Variants in FAR2 observed in about 807,000 individuals in gnomAD.
The protein encoded by FAR2 is epididymis secretory protein Li 81.
Under a neutral mutation model 56.0 loss-of-function variants are expected in FAR2, and 19 were observed. The ratio of observed to expected loss-of-function variants is 0.34; its 90% CI spans 0.24 to 0.50. The LOEUF (loss-of-function observed/expected upper bound fraction) is 0.50, where lower values mean the gene tolerates loss of function less well. Among genes scored for constraint, FAR2 ranks in the 20% least tolerant of loss-of-function variants. The pLI is 0.98. For missense variants in FAR2, 508 were observed against 642.2 expected, an observed-to-expected ratio of 0.79 and a Z score of 2.26; for synonymous variants, 219 against 218.8, an observed-to-expected ratio of 1.00 and a Z score of -0.01.
Position 29,293,364 on chromosome 12 carries a change from A to T in FAR2, c.254A>T (p.Asp85Val). ...GAGAAGATCAGAGCTATTTATGCAG[A>T]TCTCAATCAGAATGACTTTGCCATC... ...VHEKIRAIYADLNQNDFAISK... is the reference protein window; with the variant it reads ...VHEKIRAIYAVLNQNDFAISK... Residue 85 changes from aspartate to valine, a missense_variant, in exon 3 of 12, where the codon GAT becomes GTT. Physicochemically the swap from Asp to Val is radical, Grantham distance 152. Coordinates refer to ENST00000536681, the MANE Select transcript of FAR2 (RefSeq NM_001271783.2). 6.2e-7 allele frequency: 1 copy of T among 1,612,624 alleles called. No individual in the cohort carries two copies. Among genetic ancestry groups the T allele is most frequent in the South Asian group, 1.1e-5 (1 of 90,702 alleles).
intron 4 of FAR2, among the ~76,000 whole-genome samples, chr12:29,299,104 T>C (rs1360552479): frequency 6.6e-6 from 1 of 150,970 alleles, no homozygotes; most frequent in Non-Finnish European, 1.5e-5. Flanking sequence ...TCTCAGCTAC[T>C]TGGGAGGCTG....
intron 9 of FAR2, among the ~76,000 whole-genome samples, chr12:29,320,403 G>A (rs977909079): frequency 1.3e-5 from 2 of 152,198 alleles, no homozygotes; most frequent in Admixed American, 1.3e-4. Flanking sequence ...TAATAGTAAA[G>A]TGGAACCCTA....
At position 29,257,397 on chromosome 12, in the gene FAR2, C is replaced by T. The variant is rs1439334460; in HGVS notation, c.-38-13015C>T. 3.3e-5 allele frequency among the ~76,000 whole-genome samples: 5 copies of T among 152,176 alleles called. No individual in the cohort carries two copies. In the East Asian group the frequency reaches 9.6e-4, roughly 29 times the overall value. Reference sequence around the variant, plus strand: ...CCAATCAGCGCCCTGTCAAAACAGACCACTGGGCTCCACCAATCAGCAGGA... The same window carrying T: ...CCAATCAGCGCCCTGTCAAAACAGATCACTGGGCTCCACCAATCAGCAGGA... On this transcript the variant is annotated intron_variant, in intron 1 of 11. Coordinates refer to ENST00000536681, the MANE Select transcript of FAR2 (RefSeq NM_001271783.2).
At chr12:29,212,080 TA>T (rs1947556519) in intron 1 of FAR2, among the ~76,000 whole-genome samples, 1 of 151,544 alleles carries the variant, frequency 6.6e-6, no homozygotes, top group Non-Finnish European at 1.5e-5. Flanking sequence ...TCAAAATAAA[TA>T]AATAAAAGAC....
intron 2 of FAR2, chr12:29,277,326 G>GT (rs1377437852): frequency 6.6e-6 from 1 of 152,134 alleles, no homozygotes; most frequent in Non-Finnish European, 1.5e-5. Flanking sequence ...AAGGAAATCC[G>GT]TAAGTGTCCA....
At chr12:29,174,561 C>T (rs554616179) in intron 1 of FAR2, among the ~76,000 whole-genome samples, 23 of 148,342 alleles carry the variant, frequency 1.6e-4, no homozygotes, top group Admixed American at 1.4e-4. Flanking sequence ...GCTGGCACTA[C>T]AGGGGCCCAC....
chr12:29,306,529 AAAATAG>A (rs1367904094), intron 4 of FAR2, among the ~76,000 whole-genome samples: 4 of 152,222 alleles, frequency 2.6e-5, no homozygotes, highest in Non-Finnish European at 2.9e-5. Flanking sequence ...TCTGTTCTAT[AAAATAG>A]AAATAAATAT....
intron 1 of FAR2, among the ~76,000 whole-genome samples, chr12:29,245,696 A>G (rs1224461416): frequency 6.6e-6 from 1 of 152,172 alleles, no homozygotes; most frequent in Non-Finnish European, 1.5e-5. Flanking sequence ...TCCAGTCCCT[A>G]TAAAAATCTA....
In FAR2 at chr12:29,224,763, T is replaced by C. The variant is rs369345447; in HGVS notation, c.-38-45649T>C. Among the ~76,000 whole-genome samples, 6 of 152,172 alleles carry C rather than the reference T, an allele frequency of 3.9e-5. No individual in the cohort carries two copies. The East Asian group carries it at 9.6e-4, about 24-fold the overall frequency. ...AAAGCAGTGACTTATTAGACGTATG[T>C]AATGTTTTAAAAAGATAATAGTGTA... is the stretch of plus-strand genomic sequence containing the variant. On this transcript the variant is annotated intron_variant, in intron 1 of 11. Coordinates refer to ENST00000536681, the MANE Select transcript of FAR2 (RefSeq NM_001271783.2).
chr12:29,321,010 G>T (rs1949541971), intron 9 of FAR2, among the ~76,000 whole-genome samples: 1 of 151,930 alleles, frequency 6.6e-6, no homozygotes, highest in South Asian at 2.1e-4. Flanking sequence ...TAACAAAGAT[G>T]ATATCAAAAT....
At chr12:29,204,395 A>C (rs972100226) in intron 1 of FAR2, among the ~76,000 whole-genome samples, 1 of 152,212 alleles carries the variant, frequency 6.6e-6, no homozygotes, top group Non-Finnish European at 1.5e-5. Flanking sequence ...GATAATTAAC[A>C]TGAATCTGAC....
intron 2 of FAR2, among the ~76,000 whole-genome samples, chr12:29,272,013 G>A (rs1407846781): frequency 6.6e-6 from 1 of 152,144 alleles, no homozygotes; most frequent in Non-Finnish European, 1.5e-5. Context: ...GTTCTTAAAA[G>A]GCTGATATGA....
At chr12:29,204,459 T>C (rs761063034) in intron 1 of FAR2, among the ~76,000 whole-genome samples, 1 of 152,182 alleles carries the variant, frequency 6.6e-6, no homozygotes, top group Non-Finnish European at 1.5e-5. Context: ...AGAGGGCCTC[T>C]ATGGGGATGA....
At chr12:29,240,785 G>T (rs995795755) in intron 1 of FAR2, among the ~76,000 whole-genome samples, 1 of 143,732 alleles carries the variant, frequency 7.0e-6, no homozygotes, top group Non-Finnish European at 1.5e-5. Flanking sequence ...GTCATTGTGT[G>T]TGTGTGTGTA....
intron 6 of FAR2, among the ~76,000 whole-genome samples, chr12:29,310,433 A>G: frequency 6.6e-6 from 1 of 152,202 alleles, no homozygotes; most frequent in East Asian, 1.9e-4. Flanking sequence ...TCTATATAAC[A>G]TCAGTGATCT....
chr12:29,255,985 T>G (rs998436784), intron 1 of FAR2, among the ~76,000 whole-genome samples: 11 of 152,244 alleles, frequency 7.2e-5, no homozygotes, highest in African/African-American at 2.2e-4. Context: ...TTCTACCCAC[T>G]CAGCCTCCTG....
At position 29,321,879 on chromosome 12, in the gene FAR2, C is replaced by T. The variant is rs1565524165; in HGVS notation, c.1212C>T (p.Tyr404=). 4 of 1,613,610 alleles carry T rather than the reference C, an allele frequency of 2.5e-6. No individual in the cohort carries two copies. Among genetic ancestry groups the T allele is most frequent in the Non-Finnish European group, 3.4e-6 (4 of 1,179,742 alleles). ...ACCGGAGTTGGGAATGGAGCACGTA[C>T]AATACAGAAATGCTGATGTCTGAGC... The part of the protein sequence containing the change: ...FINRSWEWST[Y]NTEMLMSELS... Residue 404 remains tyrosine (Y), a synonymous_variant, in exon 10 of 12, where the codon TAC becomes TAT. Transcript: ENST00000536681.
intron 1 of FAR2, among the ~76,000 whole-genome samples, chr12:29,205,625 C>T (rs961856539): frequency 5.3e-5 from 8 of 152,180 alleles, no homozygotes; most frequent in Admixed American, 5.2e-4. Flanking sequence ...AAAAAAGCTT[C>T]ATGGTCCTTT....
At chr12:29,165,250 G>A (rs1949814863) in intron 1 of FAR2, among the ~76,000 whole-genome samples, 1 of 152,060 alleles carries the variant, frequency 6.6e-6, no homozygotes, top group Admixed American at 6.5e-5. Context: ...TCTCTTGTTG[G>A]TGTCACCCTA....
Sources: allele counts gnomAD v4.1 joint callset (sites outside exome capture counted in the v4.1 genomes callset), GRCh38; gene constraint gnomAD v4.1.1; transcripts MANE v1.5; gene names NCBI Gene and HGNC (gene_info 2026-07-23, HGNC 2026-07-21).